Variants in TRAPPC9 observed in about 807,000 individuals in gnomAD.
TRAPPC9 encodes trafficking protein particle complex subunit 9.
TRAPPC9 carries 83 observed loss-of-function variants against 124.0 expected under a neutral mutation model. That is an observed-to-expected ratio of 0.67 (90% CI 0.56 to 0.80). The LOEUF (loss-of-function observed/expected upper bound fraction) is 0.80. Among genes scored for constraint, TRAPPC9 ranks in the 30% least tolerant of loss-of-function variants. TRAPPC9 has a pLI of 0.00. For missense variants in TRAPPC9, 1,302 were observed against 1,508.3 expected, an observed-to-expected ratio of 0.86 and a Z score of 2.27; for synonymous variants, 638 against 617.5, an observed-to-expected ratio of 1.03 and a Z score of -0.49.
At chr8:139,890,342 A>G (rs1188604759) in intron 20 of TRAPPC9, among the ~76,000 whole-genome samples, 1 of 152,226 alleles carries the variant, frequency 6.6e-6, no homozygotes, top group East Asian at 1.9e-4. Flanking sequence ...CTCCAGGCCC[A>G]GGGACATTTG....
At chr8:139,975,567 A>G (rs1220644608) in intron 19 of TRAPPC9, among the ~76,000 whole-genome samples, 1 of 152,184 alleles carries the variant, frequency 6.6e-6, no homozygotes, top group Non-Finnish European at 1.5e-5. Flanking sequence ...CATCCTCTTC[A>G]AAAACCTACA....
chr8:140,117,023 G>A (rs559743620), intron 17 of TRAPPC9, among the ~76,000 whole-genome samples: 1 of 152,056 alleles, frequency 6.6e-6, no homozygotes, highest in East Asian at 1.9e-4. Flanking sequence ...GGATCCACAC[G>A]AACAGGAGGA....
chr8:139,890,383 C>T (rs1830262692), intron 20 of TRAPPC9, among the ~76,000 whole-genome samples: 1 of 152,266 alleles, frequency 6.6e-6, no homozygotes, highest in Admixed American at 6.5e-5. Flanking sequence ...TACCACTGCA[C>T]TCTTCTCAGG....
chr8:140,382,502 T>TGGCTGGGAGGGTCCCACGCCC (rs372983539), intron 7 of TRAPPC9, among the ~76,000 whole-genome samples: 7 of 152,274 alleles, frequency 4.6e-5, no homozygotes, highest in African/African-American at 1.4e-4. Context: ...ATCCCGCGCA[T>TGGCTGGGAGGGTCCCACGCCC]GGCTGGGAGG....
At chr8:140,373,838 T>G (rs2068355782) in intron 7 of TRAPPC9, among the ~76,000 whole-genome samples, 1 of 152,240 alleles carries the variant, frequency 6.6e-6, no homozygotes, top group Non-Finnish European at 1.5e-5. Flanking sequence ...GAAGCGCTTG[T>G]TCAAATCTTC....
At chr8:140,215,404 A>T (rs2063166844) in intron 17 of TRAPPC9, among the ~76,000 whole-genome samples, 1 of 152,122 alleles carries the variant, frequency 6.6e-6, no homozygotes, top group Non-Finnish European at 1.5e-5. Flanking sequence ...GCACTTTGGG[A>T]GGCTGAGGCA....
chr8:139,912,459 A>G (rs1347498951), intron 19 of TRAPPC9, among the ~76,000 whole-genome samples: 2 of 152,198 alleles, frequency 1.3e-5, no homozygotes, highest in Non-Finnish European at 2.9e-5. Flanking sequence ...GACCTGACAA[A>G]CATCTTTGTG....
intron 17 of TRAPPC9, among the ~76,000 whole-genome samples, chr8:140,043,669 G>A (rs1028078965): frequency 6.6e-6 from 1 of 152,178 alleles, no homozygotes; most frequent in Non-Finnish European, 1.5e-5. Context: ...AGATCGCTGG[G>A]CCAACACCAG....
At chr8:139,917,652 C>T (rs1379027699) in intron 19 of TRAPPC9, among the ~76,000 whole-genome samples, 4 of 152,216 alleles carry the variant, frequency 2.6e-5, no homozygotes, top group Admixed American at 2.0e-4. Flanking sequence ...CGGTCGCCAC[C>T]GCCTCCATCT....
chr8:140,197,799 C>T (rs750936643), intron 17 of TRAPPC9, among the ~76,000 whole-genome samples: 9 of 151,800 alleles, frequency 5.9e-5, no homozygotes, highest in African/African-American at 1.2e-4. Flanking sequence ...GGAGCCAGCA[C>T]GGGCTAAAGA....
chr8:140,372,746 C>T (rs911675927), intron 7 of TRAPPC9, among the ~76,000 whole-genome samples: 3 of 152,172 alleles, frequency 2.0e-5, no homozygotes, highest in Non-Finnish European at 4.4e-5. Context: ...AGAGAAAAGA[C>T]GGCGGTCTAT....
At chr8:139,828,817 A>T (rs1825796542) in intron 21 of TRAPPC9, among the ~76,000 whole-genome samples, 2 of 152,204 alleles carry the variant, frequency 1.3e-5, no homozygotes, top group South Asian at 4.1e-4. Flanking sequence ...CAACGTCTGA[A>T]TCTCAGCATG....
intron 20 of TRAPPC9, among the ~76,000 whole-genome samples, chr8:139,909,260 C>T (rs1460078835): frequency 6.6e-6 from 1 of 152,138 alleles, no homozygotes; most frequent in African/African-American, 2.4e-5. Context: ...GCTCTCATGC[C>T]TCAGTATTTT....
chr8:140,390,601 T>C (rs1036338364), intron 7 of TRAPPC9, among the ~76,000 whole-genome samples: 1 of 152,196 alleles, frequency 6.6e-6, no homozygotes, highest in African/African-American at 2.4e-5. Context: ...CCCACCGCTT[T>C]GCAGGCAGCT....
intron 17 of TRAPPC9, among the ~76,000 whole-genome samples, chr8:140,189,230 G>T (rs1305767231): frequency 1.3e-5 from 2 of 152,186 alleles, no homozygotes; most frequent in Non-Finnish European, 2.9e-5. Context: ...CTGGAACCAA[G>T]GAACAGTTTC....
chr8:140,004,967 G>A (rs28666962), intron 18 of TRAPPC9, among the ~76,000 whole-genome samples: 16,817 of 152,222 alleles, frequency 0.11, 1,689 homozygotes, highest in African/African-American at 0.27. Context: ...TTCTTAATCA[G>A]TCTTCTTTCC....
rs187662463 is a variant in TRAPPC9, at chr8:139,854,955, C to T, written c.3055+30924G>A. 3.8e-4 allele frequency among the ~76,000 whole-genome samples: 58 copies of T among 152,258 alleles called. No homozygotes were observed. The East Asian group carries it at 5.6e-3, about 15-fold the overall frequency. ...CTTGAAGCGAGGGCTGATGGGGTAC[C>T]GAGCCTTGGCATGGGCTGGCTCCTT... On this transcript the variant is annotated intron_variant, in intron 21 of 22. Transcript: ENST00000438773.
At chr8:139,860,640 C>A (rs529994786) in intron 21 of TRAPPC9, among the ~76,000 whole-genome samples, 1 of 152,364 alleles carries the variant, frequency 6.6e-6, no homozygotes, top group South Asian at 2.1e-4. Context: ...AGCACTTCCC[C>A]CCAGCTCATC....
chr8:139,983,049 G>T (rs1837015835), intron 19 of TRAPPC9, among the ~76,000 whole-genome samples: 2 of 152,170 alleles, frequency 1.3e-5, no homozygotes, highest in African/African-American at 4.8e-5. Flanking sequence ...ATATTAAAGG[G>T]CAGGGCTTCA....
Sources: allele counts gnomAD v4.1 joint callset (sites outside exome capture counted in the v4.1 genomes callset), GRCh38; gene constraint gnomAD v4.1.1; transcripts MANE v1.5; gene names NCBI Gene and HGNC (gene_info 2026-07-23, HGNC 2026-07-21).